Variants in HGFAC observed in about 807,000 individuals in gnomAD.
The protein encoded by HGFAC is HGF activator, also known as hepatocyte growth factor activator serine protease.
Under a neutral mutation model 70.6 loss-of-function variants are expected in HGFAC, and 76 were observed. That is an observed-to-expected ratio of 1.08 (90% CI 0.89 to 1.30). The LOEUF (loss-of-function observed/expected upper bound fraction) is 1.30, where lower values mean the gene tolerates loss of function less well. Ranked by LOEUF, HGFAC falls within the 50% of genes most tolerant of loss-of-function variation. The pLI is 0.00. For missense variants in HGFAC, 1,044 were observed against 933.7 expected (o/e 1.12, Z -1.54); for synonymous variants, 464 against 405.3 (o/e 1.14, Z -1.74).
Position 3,447,684 on chromosome 4 carries a change from C to T in HGFAC, c.1495+53C>T. ...TCTGGGCAGGTGGGCCCTGTGCTCC[C>T]CAGGCCAGGCCCAGACAGGGGCAGG... On this transcript the variant is annotated intron_variant, in intron 11 of 13. Coordinates refer to ENST00000382774, the MANE Select transcript of HGFAC (RefSeq NM_001528.4). 3 of 1,603,736 alleles carry T rather than the reference C, an allele frequency of 1.9e-6. No homozygotes were observed. The South Asian group carries it at 3.3e-5, about 18-fold the overall frequency.
chr4:3,445,298 C>G lies in HGFAC; in HGVS notation c.1050C>G (p.Tyr350Ter), dbSNP rs144652114. 1 of 1,588,764 alleles carries G rather than the reference C, an allele frequency of 6.3e-7. No individual in the cohort carries two copies. Among genetic ancestry groups the G allele is most frequent in the Non-Finnish European group, 8.6e-7 (1 of 1,168,652 alleles). ...ACAATGACGAGAGGCCCTGGTGCTA[C>G]GTGGTGAAGGACAGCGCGCTCTCCT... is the stretch of plus-strand genomic sequence containing the variant. ...NPDNDERPWC[Y>*]VVKDSALSWE... The change falls in exon 9 of 14, where the codon TAC becomes TAG. Residue 350 changes from tyrosine to a stop codon, truncating the protein, a stop_gained. Transcript: ENST00000382774. LOFTEE classifies it high-confidence loss of function.
chr4:3,447,744 G>GC lies in HGFAC; in HGVS notation c.1495+113_1495+114insC. 3 of 1,541,804 alleles carry GC rather than the reference G, an allele frequency of 1.9e-6. 1 individual carries two copies. On this transcript the variant is annotated intron_variant, in intron 11 of 13. Coordinates refer to ENST00000382774, the MANE Select transcript of HGFAC (RefSeq NM_001528.4). ...GACATGTGGTGCGGGGGAAGCTGGGGGCAGGGCAGGGAGGACAGGGCACCG... is the reference window on the plus strand; with the variant it reads ...GACATGTGGTGCGGGGGAAGCTGGGGCGCAGGGCAGGGAGGACAGGGCACCG...
chr4:3,448,538 G>A (rs993183220), intron 13 of HGFAC, among the ~76,000 whole-genome samples: 4 of 152,206 alleles, frequency 2.6e-5, no homozygotes, highest in East Asian at 1.9e-4. Context: ...CACAGAGCCC[G>A]GACAGTTCCT....
chr4:3,448,056 C>A (rs956846738), intron 12 of HGFAC, 21 bp downstream of exon 12: 1 of 1,553,922 alleles, frequency 6.4e-7, no homozygotes. Context: ...AGGGGGGCGC[C>A]CAGCGCCCCG....
Position 3,448,313 on chromosome 4 carries a change from G to A in HGFAC, c.1785+37G>A. 2.5e-6 allele frequency: 4 copies of A among 1,593,044 alleles called. No homozygotes were observed. In the South Asian group the frequency reaches 3.4e-5, roughly 13 times the overall value. On this transcript the variant is annotated intron_variant, in intron 13 of 13. Coordinates refer to ENST00000382774, the MANE Select transcript of HGFAC (RefSeq NM_001528.4). ...CCCGCCCCACCAGGACCCGACTGGT[G>A]GGGGCTCAGCTGGTCCTGAGTCTCC...
intron 1 of HGFAC, 63 bp downstream of exon 1, chr4:3,442,181 A>T: frequency 7.8e-7 from 1 of 1,274,024 alleles, no homozygotes; most frequent in Non-Finnish European, 1.1e-6. Flanking sequence ...GGTCCTTGGG[A>T]GGAGGCCAGA....
intron 10 of HGFAC, 134 bp from the exon 11 acceptor site, chr4:3,447,358 C>G: frequency 1.1e-6 from 1 of 903,370 alleles, no homozygotes; most frequent in South Asian, 1.6e-5. Flanking sequence ...CACACCCAGG[C>G]ACCTGCTCAG....
chr4:3,445,739 T>A, intron 9 of HGFAC: 1 of 856,208 alleles, frequency 1.2e-6, no homozygotes, highest in South Asian at 1.6e-5. Context: ...CCCGGGGCTC[T>A]CATGTGGGGG....
rs151270002 is a variant in HGFAC at position 3,444,390 on chromosome 4, A to G, written c.678A>G (p.Glu226=). Residue 226 remains glutamate, a synonymous_variant, in exon 6 of 14, where the codon GAA becomes GAG. Transcript: ENST00000382774. ...CCCGCGTGCGCCAGGGCCACGTGGA[A>G]CAGTGCGAGTGCTTCGGGGGCCGGA... ...RWARVRQGHV[E]QCECFGGRTW... is the part of the protein sequence containing the mutation. 8.1e-6 allele frequency: 13 copies of G among 1,605,610 alleles called. No homozygotes were observed. Among genetic ancestry groups the G allele is most frequent in the Non-Finnish European group, 1.1e-5 (13 of 1,177,442 alleles).
In HGFAC at chr4:3,442,842, G is replaced by A; in HGVS notation, c.228G>A (p.Glu76=). Residue 76 remains glutamate, a synonymous_variant, in exon 2 of 14, where the codon GAG becomes GAA. Coordinates refer to ENST00000382774, the MANE Select transcript of HGFAC (RefSeq NM_001528.4). ...CAGCAACAAGTGCTCCAGAGGCAGAGGGACCCCAAAGTGGGGGGCTCCCGC... is the reference window on the plus strand; with the variant it reads ...CAGCAACAAGTGCTCCAGAGGCAGAAGGACCCCAAAGTGGGGGGCTCCCGC... ...ETPATSAPEA[E]GPQSGGLPPP... 2.5e-6 allele frequency: 4 copies of A among 1,589,290 alleles called. No individual in the cohort carries two copies. The highest frequency in any genetic ancestry group is 1.7e-4 in the Middle Eastern group (1 of 5,950).
chr4:3,442,096 G>T lies in HGFAC; in HGVS notation c.95G>T (p.Gly32Val), dbSNP rs1420905790. 6.4e-7 allele frequency: 1 copy of T among 1,560,532 alleles called. No individual in the cohort carries two copies. The highest frequency in any genetic ancestry group is 8.6e-7 in the Non-Finnish European group (1 of 1,164,800). The change falls in exon 1 of 14, where the codon GGG becomes GTG. Residue 32 changes from glycine (G) to valine (V), a missense_variant. Gly to Val is a moderately radical substitution (Grantham distance 109). Coordinates refer to ENST00000382774, the MANE Select transcript of HGFAC (RefSeq NM_001528.4). ...CTGCTGCTGCTGCTGCTGCCACGGG[G>T]GTTCCAGCCCCAGCCTGGCGGGGTG... ...LLLLLLLLPR[G>V]FQPQPGGNRT...
chr4:3,446,582 T>G (rs2109300200), intron 10 of HGFAC, among the ~76,000 whole-genome samples: 1 of 152,028 alleles, frequency 6.6e-6, no homozygotes, highest in East Asian at 1.9e-4. Flanking sequence ...CCAGGTCCTG[T>G]CCTCCCCGCA....
Position 3,442,123 on chromosome 4 carries a change from G to T in HGFAC, c.117+5G>T. ...TTCCAGCCCCAGCCTGGCGGGGTGA[G>T]CACTGACCTTGTCGCAGTGCGACCA... is the stretch of plus-strand genomic sequence containing the variant. On this transcript the variant is annotated splice_donor_5th_base_variant and intron_variant, in intron 1 of 13. Coordinates refer to ENST00000382774, the MANE Select transcript of HGFAC (RefSeq NM_001528.4). 6.4e-7 allele frequency: 1 copy of T among 1,553,808 alleles called. No individual in the cohort carries two copies. The highest frequency in any genetic ancestry group is 2.5e-5 in the East Asian group (1 of 40,814).
chr4:3,444,162 G>A lies in HGFAC; in HGVS notation c.598+1G>A. On this transcript the variant is annotated splice_donor_variant, in intron 5 of 13. Transcript: ENST00000382774. LOFTEE classifies it high-confidence loss of function. ...TTCACCGGCAAGGACTGCGGCACAGGTGAGCTGGGCCTCGGAGGTCCGCAG... is the reference window on the plus strand; with the variant it reads ...TTCACCGGCAAGGACTGCGGCACAGATGAGCTGGGCCTCGGAGGTCCGCAG... The A allele has an allele frequency of 6.2e-7, 1 of 1,605,256 alleles. No homozygotes were observed. Among genetic ancestry groups the A allele is most frequent in the Non-Finnish European group, 8.5e-7 (1 of 1,176,704 alleles).
rs574069730 is a variant in HGFAC, at chr4:3,446,121, C to T, written c.1182C>T (p.Cys394=). 69 of 1,611,166 alleles carry T rather than the reference C, an allele frequency of 4.3e-5. No individual in the cohort carries two copies. The highest frequency in any genetic ancestry group is 8.8e-5 in the South Asian group (8 of 90,660). Residue 394 remains cysteine (C), a synonymous_variant, in exon 10 of 14, where the codon TGC becomes TGT. Coordinates refer to ENST00000382774, the MANE Select transcript of HGFAC (RefSeq NM_001528.4). ...PEPASPGRQA[C]GRRHKKRTFL... ...CAGCCTCCCCGGGGCGCCAGGCCTG[C>T]GGCAGGAGGCACAAGAAGAGGACGT...
intron 9 of HGFAC, 49 bp downstream of exon 9, chr4:3,445,399 C>T (rs1335427095): frequency 5.3e-6 from 7 of 1,320,398 alleles, no homozygotes; most frequent in Admixed American, 2.0e-5. Context: ...GAGGTCACAG[C>T]AGTTTTCCCC....
At chr4:3,444,190 G>A in intron 5 of HGFAC, 29 bp downstream of exon 5, 1 of 1,577,170 alleles carries the variant, frequency 6.3e-7, no homozygotes, top group East Asian at 2.3e-5. Flanking sequence ...GTCCGCAGGG[G>A]TCCAGGGGCC....
rs757247328 is a variant in HGFAC at position 3,447,568 on chromosome 4, G to A, written c.1432G>A (p.Gly478Ser). Residue 478 changes from glycine to serine, a missense_variant, in exon 11 of 14, where the codon GGC becomes AGC. By Grantham distance (56) the Gly-to-Ser change is moderately conservative (BLOSUM62 0). Transcript: ENST00000382774. ...NRTTDVTQTFGIEKYIPYTLY... is the reference protein window; with the variant it reads ...NRTTDVTQTFSIEKYIPYTLY... ...CACGACGGACGTGACGCAGACCTTCGGCATCGAGAAGTACATCCCGTACAC... is the reference window on the plus strand; with the variant it reads ...CACGACGGACGTGACGCAGACCTTCAGCATCGAGAAGTACATCCCGTACAC... 4.8e-5 allele frequency: 77 copies of A among 1,612,566 alleles called. No homozygotes were observed. Among genetic ancestry groups the A allele is most frequent in the Non-Finnish European group, 4.5e-5 (53 of 1,179,914 alleles).
Position 3,446,084 on chromosome 4 carries a change from C to G in HGFAC, c.1145C>G (p.Thr382Ser), listed in dbSNP as rs781415057. Residue 382 changes from threonine to serine, a missense_variant, in exon 10 of 14, where the codon ACC becomes AGC. Physicochemically the swap from Thr to Ser is moderately conservative, Grantham distance 58. Transcript: ENST00000382774. ...CAACTGTCACCGGATCTCCTGGCGA[C>G]CCTGCCTGAGCCAGCCTCCCCGGGG... is the stretch of plus-strand genomic sequence containing the variant. ...RVQLSPDLLA[T>S]LPEPASPGRQ... The G allele has an allele frequency of 6.2e-7, 1 of 1,609,794 alleles. No homozygotes were observed. Among genetic ancestry groups the G allele is most frequent in the Non-Finnish European group, 8.5e-7 (1 of 1,178,730 alleles).
Sources: gnomAD v4.1 joint callset for allele counts (sites outside exome capture counted in the v4.1 genomes callset) on GRCh38, gnomAD v4.1.1 for gene constraint, MANE v1.5 for transcripts, NCBI Gene and HGNC (gene_info 2026-07-23, HGNC 2026-07-21) for gene names.